The following KIF13A variants were observed in gnomAD, a reference collection of about 807,000 sequenced individuals.
KIF13A encodes the protein kinesin family member 13A, also known as kinesin-like protein KIF13A.
A neutral mutation model predicts 212.2 loss-of-function variants in KIF13A; 79 were observed. That is an observed-to-expected ratio of 0.37 (90% confidence interval 0.31 to 0.45). The LOEUF (loss-of-function observed/expected upper bound fraction) is 0.45, where lower values mean the gene tolerates loss of function less well. KIF13A is among the 20% of genes least tolerant of loss of function. The pLI is 1.00. For missense variants in KIF13A, 1,901 were observed against 2,209.0 expected (o/e 0.86, Z 2.79); for synonymous variants, 789 against 808.6 (o/e 0.98, Z 0.41).
chr6:17,763,467 C>T (rs1350585273), downstream of KIF13A, among the ~76,000 whole-genome samples: 4 of 125,416 alleles, frequency 3.2e-5, no homozygotes, highest in African/African-American at 9.3e-5. Flanking sequence ...GAGAGCCACA[C>T]TCCATCTCAA....
At chr6:17,851,493 A>G (rs1044970110) in intron 7 of KIF13A, among the ~76,000 whole-genome samples, 2 of 152,238 alleles carry the variant, frequency 1.3e-5, no homozygotes, top group African/African-American at 4.8e-5. Context: ...AACAAGGCAT[A>G]TAAGTCAAAG....
chr6:17,917,430 G>A (rs190500005), intron 2 of KIF13A, among the ~76,000 whole-genome samples: 107 of 151,508 alleles, frequency 7.1e-4, no homozygotes, highest in African/African-American at 2.3e-3. Context: ...TAGTAGAGAC[G>A]GGGTTTCGCT....
intron 2 of KIF13A, among the ~76,000 whole-genome samples, chr6:17,913,668 T>C (rs2150508416): frequency 6.6e-6 from 1 of 152,158 alleles, no homozygotes; most frequent in East Asian, 1.9e-4. Flanking sequence ...GCCCTGGAAG[T>C]TGCAGGGTGT....
At chr6:17,977,810 G>C (rs573040563) in intron 2 of KIF13A, among the ~76,000 whole-genome samples, 1 of 152,074 alleles carries the variant, frequency 6.6e-6, no homozygotes, top group Admixed American at 6.5e-5. Context: ...CCATTAACTC[G>C]TCATTTACAT....
downstream of KIF13A, among the ~76,000 whole-genome samples, chr6:17,763,214 GTGGCTCATGCCTATAA>G (rs1370453565): frequency 2.2e-4 from 33 of 152,204 alleles, no homozygotes; most frequent in Non-Finnish European, 2.8e-4. Context: ...GTCAGGCACA[GTGGCTCATGCCTATAA>G]TCCCAACACT....
chr6:17,831,885 C>T (rs1168309174), intron 12 of KIF13A, among the ~76,000 whole-genome samples: 4 of 151,728 alleles, frequency 2.6e-5, no homozygotes, highest in East Asian at 3.9e-4. Context: ...GTATTGATCT[C>T]GGGCTGGGAA....
chr6:17,859,260 A>G (rs922586593), intron 4 of KIF13A, among the ~76,000 whole-genome samples: 3 of 152,132 alleles, frequency 2.0e-5, no homozygotes, highest in African/African-American at 7.2e-5. Flanking sequence ...GTATACTAAA[A>G]TTGCAAGAAA....
chr6:17,850,593 T>A lies in KIF13A; in HGVS notation c.583-136A>T, dbSNP rs2150399199. ...TCCATAGAAACCTCCCTGCCGCTCC[T>A]CCATTGAGCATGGTTTGAGCTTCCA... On this transcript the variant is annotated intron_variant, in intron 7 of 38. Coordinates refer to ENST00000259711, the MANE Select transcript of KIF13A (RefSeq NM_022113.6). The surrounding 1 kb of genome is among the most constrained non-coding windows in gnomAD (Gnocchi z 6.2). 2 of 791,530 alleles carry A rather than the reference T, an allele frequency of 2.5e-6. No homozygotes were observed. Among genetic ancestry groups the A allele is most frequent in the Non-Finnish European group, 3.8e-6 (2 of 526,286 alleles). The allele number at this position is 791,530 out of a possible 1,614,324, so 49.0% of individuals were successfully genotyped here.
rs1759619780 is a variant in KIF13A at position 17,772,868 on chromosome 6, C to T, written c.4324+610G>A. The stretch of plus-strand genomic sequence containing the variant: ...AAGGGAGGACAATTCTTCTTCCTTG[C>T]TTGTATCATTTCTTACCTTTTTGGC... On this transcript the variant is annotated intron_variant, in intron 36 of 38. Coordinates refer to ENST00000259711, the MANE Select transcript of KIF13A (RefSeq NM_022113.6). The surrounding 1 kb of genome is among the most constrained non-coding windows in gnomAD (Gnocchi z 4.8). 6.6e-6 allele frequency among the ~76,000 whole-genome samples: 1 copy of T among 152,166 alleles called. No individual in the cohort carries two copies. Among genetic ancestry groups the T allele is most frequent in the South Asian group, 2.1e-4 (1 of 4,830 alleles).
intron 2 of KIF13A, among the ~76,000 whole-genome samples, chr6:17,981,457 G>C (rs1416051890): frequency 7.4e-6 from 1 of 136,054 alleles, no homozygotes; most frequent in Admixed American, 8.1e-5. Context: ...ACAGAGTCTC[G>C]CTCTGTCGCC....
intron 29 of KIF13A, among the ~76,000 whole-genome samples, chr6:17,782,371 C>T (rs1199638160): frequency 6.6e-6 from 1 of 152,140 alleles, no homozygotes; most frequent in Non-Finnish European, 1.5e-5. Context: ...AGCGCAGTGG[C>T]TCACGCCTGT....
chr6:17,921,438 C>G (rs1214458907), intron 2 of KIF13A, among the ~76,000 whole-genome samples: 2 of 152,190 alleles, frequency 1.3e-5, no homozygotes, highest in Non-Finnish European at 2.9e-5. Flanking sequence ...ACTCAGAGAC[C>G]TACTTTTAAA....
intron 4 of KIF13A, among the ~76,000 whole-genome samples, chr6:17,859,705 G>A (rs1562065833): frequency 1.4e-5 from 2 of 145,798 alleles, no homozygotes; most frequent in Middle Eastern, 3.6e-3. Context: ...GTGCGATCTC[G>A]GCTCACTGCA....
Position 17,899,481 on chromosome 6 carries a change from C to T in KIF13A, c.147-1301G>A, listed in dbSNP as rs1417426423. On this transcript the variant is annotated intron_variant, in intron 2 of 38. Transcript: ENST00000259711. The surrounding 1 kb of genome is among the most constrained non-coding windows in gnomAD (Gnocchi z 5.2). Reference sequence around the variant, plus strand: ...ACTGGGTGCGACACTCCTTACAGAGCTCTGAGGGACTCGAACAAAACTGAG... The same window carrying T: ...ACTGGGTGCGACACTCCTTACAGAGTTCTGAGGGACTCGAACAAAACTGAG... Among the ~76,000 whole-genome samples, 1 of 152,136 alleles carries T rather than the reference C, an allele frequency of 6.6e-6. No individual in the cohort carries two copies. Among genetic ancestry groups the T allele is most frequent in the Admixed American group, 6.5e-5 (1 of 15,274 alleles).
intron 2 of KIF13A, among the ~76,000 whole-genome samples, chr6:17,920,265 T>C (rs1249471816): frequency 6.6e-6 from 1 of 151,564 alleles, no homozygotes; most frequent in African/African-American, 2.4e-5. Flanking sequence ...AAATACAAGG[T>C]AAATTAGCAT....
rs1202329105 is a variant in KIF13A at position 17,888,386 on chromosome 6, G to A, written c.159+9782C>T. ...AGATCAAGGTAGGTCTGCTGCATTT[G>A]ACTGGGTAATGAAACAAGCAAAAGC... On this transcript the variant is annotated intron_variant, in intron 3 of 38. Transcript: ENST00000259711. This position sits in a 1 kb window ranked among gnomAD's most constrained non-coding sequence, Gnocchi z 4.8. 1.3e-5 allele frequency among the ~76,000 whole-genome samples: 2 copies of A among 152,152 alleles called. No individual in the cohort carries two copies. The highest frequency in any genetic ancestry group is 2.9e-5 in the Non-Finnish European group (2 of 68,016).
At chr6:17,836,442 A>G (rs981556709) in intron 11 of KIF13A, among the ~76,000 whole-genome samples, 5 of 152,234 alleles carry the variant, frequency 3.3e-5, no homozygotes, top group Admixed American at 2.6e-4. Flanking sequence ...TTCCATGACT[A>G]TAAGTTCCTA....
rs1188642897 is a variant in KIF13A, at chr6:17,849,522, C to T, written c.718-33G>A. 6.5e-7 allele frequency: 1 copy of T among 1,529,928 alleles called. No individual in the cohort carries two copies. Among genetic ancestry groups the T allele is most frequent in the Non-Finnish European group, 9.0e-7 (1 of 1,110,188 alleles). 94.8% of individuals were successfully genotyped at this position (1,529,928 alleles called of 1,614,324 possible). On this transcript the variant is annotated intron_variant, in intron 8 of 38. Transcript: ENST00000259711. This position sits in a 1 kb window ranked among gnomAD's most constrained non-coding sequence, Gnocchi z 5.7. ...TAGGAAACGAGAGAGAGAAGAAAAA[C>T]TTATCAATAAAAACCACATGGATAT...
chr6:17,946,658 C>T (rs1777426719), intron 2 of KIF13A, among the ~76,000 whole-genome samples: 1 of 152,172 alleles, frequency 6.6e-6, no homozygotes, highest in South Asian at 2.1e-4. Flanking sequence ...TTATCTTATA[C>T]TACTAGTGAT....
Sources: gnomAD v4.1 joint callset for allele counts (sites outside exome capture counted in the v4.1 genomes callset) on GRCh38, gnomAD v4.1.1 for gene constraint, Gnocchi (gnomAD v3.1) non-coding constraint, MANE v1.5 for transcripts, NCBI Gene and HGNC (gene_info 2026-07-23, HGNC 2026-07-21) for gene names.